Variants in PDGFRA observed in about 807,000 individuals in gnomAD.
PDGFRA encodes the protein platelet-derived growth factor receptor alpha.
A neutral mutation model predicts 121.5 loss-of-function variants in PDGFRA; 25 were observed. The observed-to-expected ratio is 0.21, with a 90% confidence interval of 0.15 to 0.29. The LOEUF (loss-of-function observed/expected upper bound fraction) is 0.29, where lower values mean the gene tolerates loss of function less well. Ranked by LOEUF, PDGFRA falls within the 10% of genes least tolerant of loss-of-function variation. The pLI, the probability that PDGFRA is intolerant of heterozygous loss-of-function variation, is 1.00. For synonymous variants in PDGFRA, 463 were observed against 494.8 expected (o/e 0.94, Z 0.85); for missense variants, 1,008 against 1,345.1 (o/e 0.75, Z 3.92).
chr4:54,239,683 T>C (rs1721192052), intron 1 of PDGFRA, among the ~76,000 whole-genome samples: 1 of 152,232 alleles, frequency 6.6e-6, no homozygotes, highest in African/African-American at 2.4e-5. Context: ...GATGGGAAAG[T>C]GGCTGTGAGG....
At chr4:54,269,705 C>T (rs1046630965) in intron 7 of PDGFRA, among the ~76,000 whole-genome samples, 5 of 145,262 alleles carry the variant, frequency 3.4e-5, no homozygotes, top group Admixed American at 2.9e-4. Context: ...TGCAGCGGTA[C>T]GATCACGGCT....
chr4:54,263,554 A>T, intron 3 of PDGFRA, 113 bp from the exon 4 acceptor site: 1 of 1,008,154 alleles, frequency 9.9e-7, no homozygotes, highest in Non-Finnish European at 1.6e-6. Context: ...ATATATGTGT[A>T]AAGGTGAACT....
intron 8 of PDGFRA, among the ~76,000 whole-genome samples, chr4:54,271,288 C>G (rs1054501589): frequency 2.0e-5 from 3 of 152,286 alleles, no homozygotes; most frequent in Non-Finnish European, 4.4e-5. Flanking sequence ...AGCCATGAGC[C>G]AGGTGCTGTC....
chr4:54,280,813 C>T, intron 16 of PDGFRA: 2 of 171,592 alleles, frequency 1.2e-5, no homozygotes, highest in Non-Finnish European at 2.5e-5. Context: ...TTATTGCTGT[C>T]TTTTTCTTTT....
intron 1 of PDGFRA, among the ~76,000 whole-genome samples, chr4:54,247,065 T>A (rs2110205649): frequency 6.6e-6 from 1 of 152,204 alleles, no homozygotes; most frequent in Non-Finnish European, 1.5e-5. Context: ...TCTGAAATTG[T>A]GGCAATAATC....
intron 1 of PDGFRA, among the ~76,000 whole-genome samples, chr4:54,246,354 T>C (rs924309924): frequency 6.6e-6 from 1 of 152,034 alleles, no homozygotes; most frequent in Non-Finnish European, 1.5e-5. Context: ...GAACAGAAAT[T>C]ATAACAAACT....
At chr4:54,280,533 T>A in intron 16 of PDGFRA, 51 bp downstream of exon 16, 1 of 1,437,724 alleles carries the variant, frequency 7.0e-7, no homozygotes, top group Non-Finnish European at 9.7e-7. Flanking sequence ...AGTGGTTTAA[T>A]ATGATACTTA....
At position 54,285,351 on chromosome 4, in the gene PDGFRA, A is replaced by G. The variant is rs755486243; in HGVS notation, c.2324-20A>G. 3.2e-6 allele frequency: 3 copies of G among 947,986 alleles called. No individual in the cohort carries two copies. The highest frequency in any genetic ancestry group is 5.2e-6 in the Non-Finnish European group (3 of 571,490). The allele number at this position is 947,986 out of a possible 1,614,324, so 58.7% of individuals were successfully genotyped here. Reference sequence around the variant, plus strand: ...TCCTGCTGCCTGCCAGCACCAATACATTTAATTTCTTTTCTGCAGACTCAG... The same window carrying G: ...TCCTGCTGCCTGCCAGCACCAATACGTTTAATTTCTTTTCTGCAGACTCAG... On this transcript the variant is annotated intron_variant, in intron 16 of 22. Coordinates refer to ENST00000257290, the MANE Select transcript of PDGFRA (RefSeq NM_006206.6).
At chr4:54,268,642 C>T (rs996550498) in intron 7 of PDGFRA, among the ~76,000 whole-genome samples, 10 of 152,124 alleles carry the variant, frequency 6.6e-5, no homozygotes, top group Non-Finnish European at 1.3e-4. Flanking sequence ...AATTGAGAAG[C>T]AATGTCTGAG....
rs775862761 is a variant in PDGFRA, at chr4:54,280,325, T to C, written c.2166T>C (p.Ile722=). ...PADESTRSYV[I]LSFENNGDYM... ...CTTTCTGTTTTTACAGCTATGTTAT[T>C]TTATCTTTTGAAAACAATGGTGACT... is the stretch of plus-strand genomic sequence containing the variant. Residue 722 remains isoleucine (I), a synonymous_variant, in exon 16 of 23, where the codon ATT becomes ATC. Transcript: ENST00000257290. 3.7e-6 allele frequency: 6 copies of C among 1,613,594 alleles called. No homozygotes were observed. The African/African-American group carries it at 6.7e-5, about 18-fold the overall frequency.
chr4:54,233,055 C>G (rs1720780441), intron 1 of PDGFRA, among the ~76,000 whole-genome samples: 2 of 151,908 alleles, frequency 1.3e-5, no homozygotes. Context: ...TCTCTTCCCG[C>G]TCTCCCCCCT....
chr4:54,244,769 C>T (rs920037749), intron 1 of PDGFRA, among the ~76,000 whole-genome samples: 5 of 152,240 alleles, frequency 3.3e-5, no homozygotes, highest in African/African-American at 4.8e-5. Context: ...CAAACTACTC[C>T]GAGCTACAGG....
At chr4:54,292,371 A>T (rs1724673258) in intron 22 of PDGFRA, among the ~76,000 whole-genome samples, 1 of 152,250 alleles carries the variant, frequency 6.6e-6, no homozygotes, top group Non-Finnish European at 1.5e-5. Context: ...CTTTGCAGGG[A>T]CATGGATGGA....
chr4:54,277,190 G>C (rs369598882), intron 12 of PDGFRA, 198 bp from the exon 13 acceptor site: 1 of 628,048 alleles, frequency 1.6e-6, no homozygotes, highest in Non-Finnish European at 2.9e-6. Flanking sequence ...AGTGTTATTC[G>C]ACAAAAGCAA....
chr4:54,278,556 C>T (rs746208763), intron 15 of PDGFRA, 41 bp downstream of exon 15: 25 of 1,592,204 alleles, frequency 1.6e-5, no homozygotes, highest in Non-Finnish European at 2.1e-5. Flanking sequence ...CATTATCTTA[C>T]AGGCATCACA....
chr4:54,229,669 A>G, intron 1 of PDGFRA, among the ~76,000 whole-genome samples: 1 of 152,116 alleles, frequency 6.6e-6, no homozygotes, highest in East Asian at 1.9e-4. Flanking sequence ...CTATTTTTAA[A>G]AACAATGTTT....
intron 1 of PDGFRA, among the ~76,000 whole-genome samples, chr4:54,255,765 A>C (rs544155359): frequency 2.6e-4 from 40 of 151,896 alleles, no homozygotes; most frequent in African/African-American, 9.2e-4. Context: ...TCAGCCTCCC[A>C]AAGTGCTGGG....
intron 1 of PDGFRA, among the ~76,000 whole-genome samples, chr4:54,239,325 C>A (rs941699995): frequency 6.6e-6 from 1 of 152,246 alleles, no homozygotes; most frequent in African/African-American, 2.4e-5. Flanking sequence ...AGCAGCCATG[C>A]AGTTGCTGTG....
At position 54,271,955 on chromosome 4, in the gene PDGFRA, TCTCC is replaced by T. The variant is rs1560477002; in HGVS notation, c.1238-437_1238-434del. Among the ~76,000 whole-genome samples the T allele has an allele frequency of 9.9e-4, 22 of 22,254 alleles. 1 individual carries two copies. The highest frequency in any genetic ancestry group is 6.5e-3 in the South Asian group (2 of 308). 14.6% of individuals were successfully genotyped at this position (22,254 alleles called of 152,430 possible). A position where few individuals can be genotyped will look rare whatever the true frequency, so the allele number is the denominator to read the frequency against. ...TTCTCTCCTTCCTTCCTTCCTTCAT[TCTCC>T]CCTCCCCTCCCCCCTCCCCTCCCCC... On this transcript the variant is annotated intron_variant, in intron 8 of 22. Transcript: ENST00000257290.
Sources: allele counts gnomAD v4.1 joint callset (sites outside exome capture counted in the v4.1 genomes callset), GRCh38; gene constraint gnomAD v4.1.1; transcripts MANE v1.5; gene names NCBI Gene and HGNC (gene_info 2026-07-23, HGNC 2026-07-21).